RALGAPB: variants seen among roughly 807,000 people sequenced by gnomAD.
RALGAPB encodes the protein ral GTPase-activating protein subunit beta.
A neutral mutation model predicts 161.1 loss-of-function variants in RALGAPB; 25 were observed. That is an observed-to-expected ratio of 0.16 (90% confidence interval 0.11 to 0.22). RALGAPB has a LOEUF of 0.22. RALGAPB is among the 10% of genes least tolerant of loss of function. The pLI is 1.00. For missense variants in RALGAPB, 1,391 were observed against 1,815.2 expected, an observed-to-expected ratio of 0.77 and a Z score of 4.25; for synonymous variants, 629 against 626.1, an observed-to-expected ratio of 1.00 and a Z score of -0.07.
chr20:38,520,524 CTTTTT>C (rs775371608), intron 9 of RALGAPB, among the ~76,000 whole-genome samples: 1 of 70,306 alleles, frequency 1.4e-5, no homozygotes, highest in African/African-American at 5.8e-5. Context: ...TGTGTTTTGG[CTTTTT>C]TTTTTTTTTT....
chr20:38,553,895 G>A lies in RALGAPB; in HGVS notation c.3191G>A (p.Ser1064Asn), dbSNP rs958099832. Residue 1064 changes from serine to asparagine, a missense_variant, in exon 22 of 30, where the codon AGT becomes AAT. Ser to Asn is a conservative substitution (Grantham distance 46, BLOSUM62 1). Coordinates refer to ENST00000262879, the MANE Select transcript of RALGAPB (RefSeq NM_020336.4). ...ELEERHEKLR[S>N]GMAQQIAYEI... ...GAAGAGAGACACGAAAAATTAAGGA[G>A]TGGCATGGCCCAGCAGATTGCTTAT... 5 of 1,611,910 alleles carry A rather than the reference G, an allele frequency of 3.1e-6. No individual in the cohort carries two copies. The highest frequency in any genetic ancestry group is 1.7e-5 in the Admixed American group (1 of 59,916).
intron 3 of RALGAPB, 24 bp from the exon 4 acceptor site, chr20:38,497,329 G>C (rs779641826): frequency 5.0e-6 from 8 of 1,609,476 alleles, no homozygotes; most frequent in Non-Finnish European, 6.8e-6. Flanking sequence ...AGGCTTGTCA[G>C]TGATATCTGT....
chr20:38,510,738 G>A (rs1396265326), intron 6 of RALGAPB, among the ~76,000 whole-genome samples: 2 of 141,320 alleles, frequency 1.4e-5, no homozygotes, highest in Non-Finnish European at 3.0e-5. Flanking sequence ...GTGAAACCCC[G>A]TCTCTACTAA....
chr20:38,494,775 G>T (rs1339083490), intron 3 of RALGAPB, among the ~76,000 whole-genome samples: 1 of 152,118 alleles, frequency 6.6e-6, no homozygotes, highest in Non-Finnish European at 1.5e-5. Flanking sequence ...TTTTCTTCGT[G>T]CCTGGGATAG....
intron 13 of RALGAPB, among the ~76,000 whole-genome samples, chr20:38,527,542 ATTC>A (rs2086509823): frequency 6.6e-6 from 1 of 152,194 alleles, no homozygotes; most frequent in African/African-American, 2.4e-5. Context: ...GTATAGCTAT[ATTC>A]TTGTTCAGGC....
intron 1 of RALGAPB, among the ~76,000 whole-genome samples, chr20:38,485,966 C>CTTTTTTTTTTTTTTTTTTTTTTTATT (rs11481893): frequency 1.1e-5 from 1 of 90,712 alleles, no homozygotes; most frequent in Non-Finnish European, 2.0e-5. Flanking sequence ...CTTTCTATAT[C>CTTTTTTTTTTTTTTTTTTTTTTTATT]TTTTTTTTTT....
chr20:38,504,008 C>T (rs1188864793), intron 5 of RALGAPB, among the ~76,000 whole-genome samples: 1 of 152,210 alleles, frequency 6.6e-6, no homozygotes, highest in South Asian at 2.1e-4. Context: ...CTGCCCATAG[C>T]AATCTACAGA....
chr20:38,523,591 T>C (rs942835266), intron 10 of RALGAPB, among the ~76,000 whole-genome samples: 6 of 152,220 alleles, frequency 3.9e-5, no homozygotes, highest in Non-Finnish European at 5.9e-5. Flanking sequence ...GTGCCAGATA[T>C]TGTGCACAGA....
intron 23 of RALGAPB, among the ~76,000 whole-genome samples, chr20:38,562,239 GGAA>G (rs2087809898): frequency 6.6e-6 from 1 of 152,186 alleles, no homozygotes; most frequent in South Asian, 2.1e-4. Context: ...TGTTTTGCCA[GGAA>G]GAGAGCTCAG....
At position 38,575,333 on chromosome 20, in the gene RALGAPB, A is replaced by G. The variant is rs1011939824; in HGVS notation, c.*366A>G. ...AATTTGCAATATAGAAGTTGAAGAT[A>G]GTTTTTTACCTCACTTTTTAGGAGG... On this transcript the variant is annotated 3_prime_UTR_variant, in exon 30 of 30. Coordinates refer to ENST00000262879, the MANE Select transcript of RALGAPB (RefSeq NM_020336.4). 5.5e-6 allele frequency: 1 copy of G among 183,016 alleles called. No homozygotes were observed. Among genetic ancestry groups the G allele is most frequent in the Admixed American group, 5.6e-5 (1 of 17,876 alleles). The allele number at this position is 183,016 out of a possible 1,614,324, so 11.3% of individuals were successfully genotyped here.
chr20:38,540,949 A>C, intron 17 of RALGAPB, 92 bp from the exon 18 acceptor site: 1 of 1,419,044 alleles, frequency 7.0e-7, no homozygotes, highest in Non-Finnish European at 9.6e-7. Context: ...CCTTCCACCA[A>C]AACGCAACCA....
intron 18 of RALGAPB, among the ~76,000 whole-genome samples, chr20:38,541,440 C>T (rs1350086504): frequency 6.6e-6 from 1 of 151,940 alleles, no homozygotes; most frequent in African/African-American, 2.4e-5. Context: ...GATGTTAATT[C>T]AAGTAATACT....
At position 38,545,944 on chromosome 20, in the gene RALGAPB, A is replaced by G. The variant is rs150702884; in HGVS notation, c.2715-299A>G. On this transcript the variant is annotated intron_variant, in intron 18 of 29. Transcript: ENST00000262879. The stretch of plus-strand genomic sequence containing the variant: ...TAAGGGAGTAGGTCACTAAGATCAA[A>G]TTATACCAGCCTAACTGCATTTTCT... 5.3e-3 allele frequency among the ~76,000 whole-genome samples: 812 copies of G among 152,306 alleles called. 8 individuals are homozygous for G. Among genetic ancestry groups the G allele is most frequent in the Non-Finnish European group, 8.0e-3 (546 of 68,022 alleles).
At chr20:38,540,113 A>G (rs1385329776) in intron 17 of RALGAPB, among the ~76,000 whole-genome samples, 155 bp downstream of exon 17, 1 of 152,258 alleles carries the variant, frequency 6.6e-6, no homozygotes, top group Non-Finnish European at 1.5e-5. Context: ...CCTTTTGGGT[A>G]CAACTTGAAA....
intron 1 of RALGAPB, among the ~76,000 whole-genome samples, chr20:38,481,945 C>T (rs2084982551): frequency 6.6e-6 from 1 of 152,092 alleles, no homozygotes; most frequent in African/African-American, 2.4e-5. Flanking sequence ...ACATTTCTAC[C>T]ACTAAGTTAA....
At chr20:38,494,603 C>CT (rs1383464759) in intron 3 of RALGAPB, among the ~76,000 whole-genome samples, 7 of 152,102 alleles carry the variant, frequency 4.6e-5, no homozygotes, top group Admixed American at 1.3e-4. Context: ...TGCACTCAGC[C>CT]TGGGTGACAG....
At chr20:38,482,272 G>A (rs986164538) in intron 1 of RALGAPB, among the ~76,000 whole-genome samples, 2 of 152,022 alleles carry the variant, frequency 1.3e-5, no homozygotes, top group Non-Finnish European at 2.9e-5. Context: ...GGAGTAAGGG[G>A]AGGCATTAGT....
chr20:38,521,361 A>G (rs951802113), intron 9 of RALGAPB, 136 bp from the exon 10 acceptor site: 2 of 1,373,666 alleles, frequency 1.5e-6, no homozygotes, highest in Non-Finnish European at 1.9e-6. Context: ...ATATTAAGAC[A>G]TAGTTGCTAA....
At chr20:38,515,660 G>A (rs2086102835) in intron 6 of RALGAPB, among the ~76,000 whole-genome samples, 1 of 151,812 alleles carries the variant, frequency 6.6e-6, no homozygotes, top group Non-Finnish European at 1.5e-5. Context: ...TAATATTAAA[G>A]TAAAATTTTC....
Sources: gnomAD v4.1 joint callset for allele counts (sites outside exome capture counted in the v4.1 genomes callset) on GRCh38, gnomAD v4.1.1 for gene constraint, MANE v1.5 for transcripts, NCBI Gene and HGNC (gene_info 2026-07-23, HGNC 2026-07-21) for gene names.